KIFAP3: variants seen among roughly 807,000 people sequenced by gnomAD.
KIFAP3 encodes the protein kinesin-associated protein 3.
KIFAP3 carries 68 observed loss-of-function variants against 106.5 expected under a neutral mutation model. The ratio of observed to expected loss-of-function variants is 0.64; its 90% CI spans 0.53 to 0.78. KIFAP3 has a LOEUF of 0.78. Ranked by LOEUF, KIFAP3 falls within the 30% of genes least tolerant of loss-of-function variation. The pLI, the probability that KIFAP3 is intolerant of heterozygous loss-of-function variation, is 0.00. For synonymous variants in KIFAP3, 320 were observed against 311.5 expected, an observed-to-expected ratio of 1.03 and a Z score of -0.29; for missense variants, 780 against 941.8, an observed-to-expected ratio of 0.83 and a Z score of 2.25.
chr1:170,071,113 T>C (rs1297187048), intron 1 of KIFAP3, among the ~76,000 whole-genome samples: 1 of 152,228 alleles, frequency 6.6e-6, no homozygotes, highest in Non-Finnish European at 1.5e-5. Context: ...TACGGAAAAC[T>C]GAATTCTTAT....
In KIFAP3 at chr1:169,963,760, C is replaced by T. The variant is rs563347134; in HGVS notation, c.1984-2525G>A. On this transcript the variant is annotated intron_variant, in intron 17 of 19. Transcript: ENST00000361580. ...CTGCCTGCCTCGGCCTCCCAAAGTA[C>T]TGGGATTACAGGCGTGAGCCACCGT... Among the ~76,000 whole-genome samples, 24 of 152,268 alleles carry T rather than the reference C, an allele frequency of 1.6e-4. No individual in the cohort carries two copies. In the East Asian group the frequency reaches 3.5e-3, roughly 22 times the overall value.
intron 11 of KIFAP3, chr1:169,990,230 C>T (rs1405267404): frequency 3.1e-6 from 3 of 960,158 alleles, no homozygotes; most frequent in Non-Finnish European, 2.9e-6. Context: ...TTTTGAAATA[C>T]CAAAAATTCA....
intron 1 of KIFAP3, among the ~76,000 whole-genome samples, chr1:170,059,760 A>T (rs1035940632): frequency 2.0e-5 from 3 of 152,228 alleles, no homozygotes; most frequent in African/African-American, 7.2e-5. Flanking sequence ...CGATGCAAAA[A>T]TCCTCAATAA....
intron 3 of KIFAP3, among the ~76,000 whole-genome samples, chr1:170,042,188 T>G (rs1670016879): frequency 6.6e-6 from 1 of 152,156 alleles, no homozygotes; most frequent in Non-Finnish European, 1.5e-5. Context: ...ACTAACTTAA[T>G]CCCTCCTACA....
chr1:169,964,265 T>C (rs1426240880), intron 17 of KIFAP3, among the ~76,000 whole-genome samples: 1 of 152,162 alleles, frequency 6.6e-6, no homozygotes, highest in Non-Finnish European at 1.5e-5. Context: ...CTCTGACATA[T>C]GTGCCATAAT....
At chr1:169,933,721 T>C (rs1663625961) in intron 19 of KIFAP3, among the ~76,000 whole-genome samples, 2 of 152,140 alleles carry the variant, frequency 1.3e-5, no homozygotes, top group Non-Finnish European at 2.9e-5. Flanking sequence ...TTGTCACTCA[T>C]GTACATCAGC....
At chr1:169,965,407 A>G (rs1212202169) in intron 17 of KIFAP3, among the ~76,000 whole-genome samples, 1 of 152,032 alleles carries the variant, frequency 6.6e-6, no homozygotes, top group Non-Finnish European at 1.5e-5. Flanking sequence ...AATTCAGTCA[A>G]GTGCCCAAAG....
chr1:169,932,303 T>C (rs2101787540), intron 19 of KIFAP3, among the ~76,000 whole-genome samples: 1 of 152,180 alleles, frequency 6.6e-6, no homozygotes, highest in South Asian at 2.1e-4. Flanking sequence ...AAAATACTAA[T>C]AAGAAATGAA....
intron 10 of KIFAP3, among the ~76,000 whole-genome samples, chr1:170,003,410 C>A (rs1004433664): frequency 2.6e-5 from 4 of 152,168 alleles, no homozygotes; most frequent in Non-Finnish European, 5.9e-5. Flanking sequence ...ATAACAAATC[C>A]TCCCGGCCGT....
At chr1:170,020,094 G>C (rs1376403980) in intron 9 of KIFAP3, among the ~76,000 whole-genome samples, 4 of 151,836 alleles carry the variant, frequency 2.6e-5, no homozygotes, top group African/African-American at 4.8e-5. Flanking sequence ...AAAATACTTA[G>C]GTATAAATCT....
intron 3 of KIFAP3, among the ~76,000 whole-genome samples, chr1:170,042,097 A>G (rs919081075): frequency 6.6e-6 from 1 of 152,122 alleles, no homozygotes; most frequent in African/African-American, 2.4e-5. Context: ...GCTAGGTTAA[A>G]ACTTGGATAT....
At chr1:170,009,471 T>C (rs2101983892) in intron 10 of KIFAP3, among the ~76,000 whole-genome samples, 1 of 152,192 alleles carries the variant, frequency 6.6e-6, no homozygotes, top group Middle Eastern at 3.4e-3. Flanking sequence ...CACTATGTGA[T>C]GTTTAACTTT....
intron 3 of KIFAP3, among the ~76,000 whole-genome samples, chr1:170,042,975 T>C (rs1670059463): frequency 6.6e-6 from 1 of 152,156 alleles, no homozygotes; most frequent in Admixed American, 6.5e-5. Flanking sequence ...GCTTTTTTCA[T>C]ATTAGTTTGC....
intron 1 of KIFAP3, among the ~76,000 whole-genome samples, chr1:170,056,775 T>C (rs993475039): frequency 3.3e-5 from 5 of 151,872 alleles, no homozygotes; most frequent in African/African-American, 1.2e-4. Flanking sequence ...TCAAGTATAG[T>C]GATAGGGTAG....
intron 19 of KIFAP3, among the ~76,000 whole-genome samples, chr1:169,924,173 A>G (rs1284769097): frequency 7.9e-5 from 12 of 152,266 alleles, no homozygotes; most frequent in Non-Finnish European, 5.9e-5. Context: ...GTTGATAAAA[A>G]CCTGCAGTCC....
chr1:169,997,943 A>C (rs1667450214), intron 10 of KIFAP3, among the ~76,000 whole-genome samples: 1 of 151,122 alleles, frequency 6.6e-6, no homozygotes, highest in African/African-American at 2.4e-5. Context: ...GCTTAGGAGA[A>C]TCATCTTATA....
chr1:169,973,868 T>C (rs1263403435), intron 16 of KIFAP3, among the ~76,000 whole-genome samples: 1 of 151,814 alleles, frequency 6.6e-6, no homozygotes, highest in African/African-American at 2.4e-5. Flanking sequence ...AATAGAGAAA[T>C]GGAATTCAGG....
At chr1:170,004,996 C>T (rs1667871126) in intron 10 of KIFAP3, among the ~76,000 whole-genome samples, 2 of 151,932 alleles carry the variant, frequency 1.3e-5, no homozygotes, top group African/African-American at 4.8e-5. Context: ...ACAATGAACC[C>T]AAACAAATTT....
intron 19 of KIFAP3, among the ~76,000 whole-genome samples, chr1:169,946,812 CCTT>C (rs1262853241): frequency 6.6e-6 from 1 of 151,854 alleles, no homozygotes; most frequent in African/African-American, 2.4e-5. Context: ...AGGTATTCCA[CCTT>C]CTTAACTAAA....
Sources: allele counts gnomAD v4.1 joint callset (sites outside exome capture counted in the v4.1 genomes callset), GRCh38; gene constraint gnomAD v4.1.1; transcripts MANE v1.5; gene names NCBI Gene and HGNC (gene_info 2026-07-23, HGNC 2026-07-21).